Variants in MAPKAPK3 observed in about 807,000 individuals in gnomAD.
MAPKAPK3 encodes the protein MAPK activated protein kinase 3.
In MAPKAPK3, 35 loss-of-function variants were observed where a neutral mutation model predicts 49.2. The ratio of observed to expected loss-of-function variants is 0.71; its 90% CI spans 0.54 to 0.94. The LOEUF is 0.94. Among genes scored for constraint, MAPKAPK3 ranks in the 40% least tolerant of loss-of-function variants. The probability of loss-of-function intolerance (pLI) is 0.00; values close to 1 mark genes in which losing one functional copy is unlikely to be tolerated. For synonymous variants in MAPKAPK3, 178 were observed against 188.7 expected (o/e 0.94, Z 0.46); for missense variants, 398 against 493.1 (o/e 0.81, Z 1.83).
chr3:50,644,478 AAGG>A lies in MAPKAPK3; in HGVS notation c.577_579del (p.Glu193del), dbSNP rs1190943163. 1.9e-6 allele frequency: 3 copies of A among 1,614,190 alleles called. No homozygotes were observed. The highest frequency in any genetic ancestry group is 2.2e-5 in the South Asian group (2 of 91,082). The stretch of plus-strand genomic sequence containing the variant: ...TAAGCTCACCGATTTTGGCTTTGCT[AAGG>A]AGACCACCCAAAATGCCCTGCAGAC... On this transcript the variant is annotated inframe_deletion, in exon 6 of 11. Transcript: ENST00000621469.
Position 50,634,164 on chromosome 3 carries a change from G to A in MAPKAPK3, c.220-6202G>A, listed in dbSNP as rs80176035. Among the ~76,000 whole-genome samples, 20 of 152,324 alleles carry A rather than the reference G, an allele frequency of 1.3e-4. No individual in the cohort carries two copies. The East Asian group carries it at 1.9e-3, about 15-fold the overall frequency. On this transcript the variant is annotated intron_variant, in intron 2 of 10. Coordinates refer to ENST00000621469, the MANE Select transcript of MAPKAPK3 (RefSeq NM_001243925.2). ...CAGAGCCTGAGGCCTGTGGTCACTC[G>A]CTAAAGGAAACATCATCTCAAATTC...
intron 2 of MAPKAPK3, among the ~76,000 whole-genome samples, chr3:50,633,079 C>T (rs1163791224): frequency 3.9e-5 from 1 of 25,650 alleles, no homozygotes; most frequent in East Asian, 2.6e-3. Flanking sequence ...AATGTTAGGC[C>T]CTGCCATGGT....
In MAPKAPK3 at chr3:50,648,287, A is replaced by G. The variant is rs1179874510; in HGVS notation, c.*241A>G. 4.2e-6 allele frequency: 2 copies of G among 479,862 alleles called. No individual in the cohort carries two copies. Among genetic ancestry groups the G allele is most frequent in the South Asian group, 2.7e-5 (1 of 37,228 alleles). The allele number at this position is 479,862 out of a possible 1,614,324, so 29.7% of individuals were successfully genotyped here. On this transcript the variant is annotated 3_prime_UTR_variant, in exon 11 of 11. Coordinates refer to ENST00000621469, the MANE Select transcript of MAPKAPK3 (RefSeq NM_001243925.2). ...TAGGGGCTGGGAGCTGCCTGCTGCCATAGCAGCACCTTTAGCTAGGTTGGC... is the reference window on the plus strand; with the variant it reads ...TAGGGGCTGGGAGCTGCCTGCTGCCGTAGCAGCACCTTTAGCTAGGTTGGC...
intron 2 of MAPKAPK3, among the ~76,000 whole-genome samples, chr3:50,633,933 T>C (rs2032972943): frequency 6.6e-6 from 1 of 152,204 alleles, no homozygotes. Flanking sequence ...GTGGTGATAG[T>C]GAGGGGCCTG....
intron 2 of MAPKAPK3, among the ~76,000 whole-genome samples, chr3:50,624,860 A>G (rs551871435): frequency 6.0e-4 from 91 of 152,170 alleles, no homozygotes; most frequent in Non-Finnish European, 1.2e-3. Context: ...AGTGTGCACA[A>G]AGCGCTTCCT....
intron 2 of MAPKAPK3, among the ~76,000 whole-genome samples, chr3:50,635,295 C>T (rs1313634768): frequency 6.6e-6 from 1 of 150,706 alleles, no homozygotes; most frequent in East Asian, 2.0e-4. Flanking sequence ...AAGCCTGGTT[C>T]AACAGAGAGG....
Position 50,642,302 on chromosome 3 carries a change from C to T in MAPKAPK3, c.474C>T (p.His158=). The change falls in exon 5 of 11, where the codon CAC becomes CAT. Residue 158 remains histidine, a synonymous_variant. Transcript: ENST00000621469. ...RDIGTAIQFL[H]SHNIAHRDVK... ...TTGGCACTGCCATCCAGTTTCTGCA[C>T]AGCCATAACATTGCCCACCGAGATG... 6.2e-7 allele frequency: 1 copy of T among 1,602,886 alleles called. No homozygotes were observed. The highest frequency in any genetic ancestry group is 8.5e-7 in the Non-Finnish European group (1 of 1,175,606).
chr3:50,629,363 G>A (rs1259334277), intron 2 of MAPKAPK3, among the ~76,000 whole-genome samples: 1 of 152,152 alleles, frequency 6.6e-6, no homozygotes, highest in Non-Finnish European at 1.5e-5. Flanking sequence ...GGAAGACCCA[G>A]GGGAATCCTA....
At chr3:50,617,487 G>T in intron 1 of MAPKAPK3, 27 bp from the exon 2 acceptor site, 1 of 714,150 alleles carries the variant, frequency 1.4e-6, no homozygotes, top group Non-Finnish European at 2.4e-6. Context: ...AAGTCTGGGC[G>T]GGACTCACTC....
upstream of MAPKAPK3, among the ~76,000 whole-genome samples, chr3:50,613,519 G>A (rs2032391110): frequency 6.6e-6 from 1 of 152,188 alleles, no homozygotes; most frequent in Non-Finnish European, 1.5e-5. Context: ...AGCCTGATAT[G>A]CGGCCCCTGT....
chr3:50,646,896 G>A, intron 9 of MAPKAPK3, 71 bp downstream of exon 9: 1 of 1,509,386 alleles, frequency 6.6e-7, no homozygotes, highest in Non-Finnish European at 9.2e-7. Context: ...GGAGGGTGGT[G>A]GCTCTGCTTT....
At chr3:50,620,662 G>A (rs756074713) in intron 2 of MAPKAPK3, among the ~76,000 whole-genome samples, 13 of 152,176 alleles carry the variant, frequency 8.5e-5, no homozygotes, top group Non-Finnish European at 8.8e-5. Flanking sequence ...CTTTCCCTTA[G>A]CCCCTGACCA....
At chr3:50,625,354 A>G (rs1014133445) in intron 2 of MAPKAPK3, among the ~76,000 whole-genome samples, 1 of 152,152 alleles carries the variant, frequency 6.6e-6, no homozygotes, top group Admixed American at 6.5e-5. Context: ...CCCTTGAGGG[A>G]CAGGAAAGAA....
At chr3:50,628,144 G>A (rs1261299549) in intron 2 of MAPKAPK3, among the ~76,000 whole-genome samples, 1 of 152,202 alleles carries the variant, frequency 6.6e-6, no homozygotes, top group African/African-American at 2.4e-5. Flanking sequence ...GAGACCAGCT[G>A]TCATTCTTCT....
At chr3:50,638,494 T>G (rs573259217) in intron 2 of MAPKAPK3, among the ~76,000 whole-genome samples, 1 of 151,758 alleles carries the variant, frequency 6.6e-6, no homozygotes, top group South Asian at 2.1e-4. Context: ...CAGGCAGGAG[T>G]GTCTGCCCAC....
At chr3:50,641,682 C>T (rs1205575275) in intron 3 of MAPKAPK3, 25 bp from the exon 4 acceptor site, 1 of 1,606,068 alleles carries the variant, frequency 6.2e-7, no homozygotes, top group Non-Finnish European at 8.5e-7. Context: ...TTCCCCCTCT[C>T]TGCTTATAGT....
intron 2 of MAPKAPK3, among the ~76,000 whole-genome samples, chr3:50,632,679 T>C (rs1409263887): frequency 6.6e-6 from 1 of 152,252 alleles, no homozygotes; most frequent in African/African-American, 2.4e-5. Flanking sequence ...TCAGCTCTCT[T>C]ACCCCGGAAA....
In MAPKAPK3 at chr3:50,639,632, G is replaced by A. The variant is rs561847056; in HGVS notation, c.220-734G>A. Among the ~76,000 whole-genome samples the A allele has an allele frequency of 1.8e-4, 27 of 152,246 alleles. No individual in the cohort carries two copies. The South Asian group carries it at 5.6e-3, about 32-fold the overall frequency. Reference sequence around the variant, plus strand: ...AGTCTTAATTACTTTTACCCCTACAGGAGTGTGGCCTTGTCTCCCTCCACT... The same window carrying A: ...AGTCTTAATTACTTTTACCCCTACAAGAGTGTGGCCTTGTCTCCCTCCACT... On this transcript the variant is annotated intron_variant, in intron 2 of 10. Transcript: ENST00000621469.
At chr3:50,623,979 G>A (rs1028967473) in intron 2 of MAPKAPK3, among the ~76,000 whole-genome samples, 1 of 152,246 alleles carries the variant, frequency 6.6e-6, no homozygotes, top group Non-Finnish European at 1.5e-5. Flanking sequence ...ACAGGTGGCA[G>A]TCCCATGAGG....
Sources: gnomAD v4.1 joint callset for allele counts (sites outside exome capture counted in the v4.1 genomes callset) on GRCh38, gnomAD v4.1.1 for gene constraint, MANE v1.5 for transcripts, NCBI Gene and HGNC (gene_info 2026-07-23, HGNC 2026-07-21) for gene names.